Variants in NAV3 observed in about 807,000 individuals in gnomAD.
NAV3 encodes pore membrane and/or filament interacting like protein 1.
In NAV3, 87 loss-of-function variants were observed where a neutral mutation model predicts 244.7. That is an observed-to-expected ratio of 0.36 (90% CI 0.30 to 0.42). NAV3 has a LOEUF of 0.42. Among genes scored for constraint, NAV3 ranks in the 20% least tolerant of loss-of-function variants. The pLI, the probability that NAV3 is intolerant of heterozygous loss-of-function variation, is 1.00. For missense variants in NAV3, 2,663 were observed against 2,893.3 expected (o/e 0.92, Z 1.83); for synonymous variants, 1,126 against 1,042.2 (o/e 1.08, Z -1.55).
chr12:77,613,945 C>G (rs1314085492), intron 2 of NAV3, among the ~76,000 whole-genome samples: 1 of 152,042 alleles, frequency 6.6e-6, no homozygotes, highest in Non-Finnish European at 1.5e-5. Context: ...CTGGGCTTCC[C>G]CCTATAACAT....
intron 8 of NAV3, among the ~76,000 whole-genome samples, chr12:78,020,074 GGAA>G (rs1566024966): frequency 1.3e-5 from 2 of 151,988 alleles, no homozygotes; most frequent in African/African-American, 2.4e-5. Flanking sequence ...GACAAAAACT[GGAA>G]GAAGAATAGA....
At chr12:77,964,203 C>G (rs1404898996) in intron 3 of NAV3, among the ~76,000 whole-genome samples, 8 of 151,928 alleles carry the variant, frequency 5.3e-5, no homozygotes, top group African/African-American at 1.9e-4. Flanking sequence ...AAAAATTTAT[C>G]TTACAAACTT....
At chr12:78,009,673 AT>A (rs1371648227) in intron 8 of NAV3, among the ~76,000 whole-genome samples, 1 of 152,094 alleles carries the variant, frequency 6.6e-6, no homozygotes, top group Non-Finnish European at 1.5e-5. Context: ...TCATTAGCCT[AT>A]TTTGAAGATT....
chr12:78,150,442 A>G (rs1434503212), intron 22 of NAV3, among the ~76,000 whole-genome samples: 1 of 152,050 alleles, frequency 6.6e-6, no homozygotes, highest in Admixed American at 6.6e-5. Flanking sequence ...TTGAAATGTA[A>G]TGATGCTTAT....
Position 77,919,841 on chromosome 12 carries a change from C to T in NAV3, c.244-20478C>T, listed in dbSNP as rs552469410. ...TTAAAGGGACACTATTTATTTGACC[C>T]TATTGAAAATTTAATCACGCTTGGA... On this transcript the variant is annotated intron_variant, in intron 1 of 39. Transcript: ENST00000397909. Among the ~76,000 whole-genome samples, 37 of 151,986 alleles carry T rather than the reference C, an allele frequency of 2.4e-4. No homozygotes were observed. The South Asian group carries it at 2.9e-3, about 12-fold the overall frequency.
At chr12:77,829,367 C>T (rs1296209430), upstream of NAV3, among the ~76,000 whole-genome samples, 1 of 152,144 alleles carries the variant, frequency 6.6e-6, no homozygotes, top group Non-Finnish European at 1.5e-5. Flanking sequence ...ATTATTTTTG[C>T]TAGCAATATA....
intron 2 of NAV3, among the ~76,000 whole-genome samples, chr12:77,624,855 A>G (rs1327391751): frequency 6.6e-6 from 1 of 152,122 alleles, no homozygotes; most frequent in African/African-American, 2.4e-5. Context: ...CTTATTTTAG[A>G]TTGTATATTT....
intron 24 of NAV3, among the ~76,000 whole-genome samples, chr12:78,170,751 AT>A (rs1365713074): frequency 2.0e-5 from 3 of 151,740 alleles, no homozygotes; most frequent in African/African-American, 7.2e-5. Context: ...AATTGTGTTC[AT>A]TCCATTTGGA....
intron 3 of NAV3, among the ~76,000 whole-genome samples, chr12:77,953,424 C>T (rs890152068): frequency 9.2e-5 from 14 of 152,152 alleles, no homozygotes; most frequent in African/African-American, 3.1e-4. Flanking sequence ...CACACACCCA[C>T]ACATGCCTAG....
At chr12:77,840,349 G>A (rs1346619309) in intron 1 of NAV3, among the ~76,000 whole-genome samples, 4 of 152,102 alleles carry the variant, frequency 2.6e-5, no homozygotes, top group African/African-American at 9.7e-5. Flanking sequence ...AAAGTGACAT[G>A]ATTAAGTTCA....
intron 2 of NAV3, among the ~76,000 whole-genome samples, chr12:77,819,513 A>C (rs1344126746): frequency 6.9e-6 from 1 of 143,904 alleles, no homozygotes; most frequent in South Asian, 2.2e-4. Context: ...CTAGTGAATA[A>C]AGTAAAATAA....
rs377221679 is a variant in NAV3, at chr12:78,128,723, G to A, written c.4298G>A (p.Arg1433Gln). The A allele has an allele frequency of 6.6e-5, 107 of 1,613,610 alleles. No homozygotes were observed. Among genetic ancestry groups the A allele is most frequent in the Middle Eastern group, 1.6e-4 (1 of 6,078 alleles). ...TTTTGCAGATATACCCCATCATCTC[G>A]GCAGGCCAACCAAGAAGAGGGCAAA... ...KKGLRYTPSS[R>Q]QANQEEGKEW... The change falls in exon 18 of 40, where the codon CGG becomes CAG. Residue 1433 changes from arginine to glutamine, a missense_variant. Coordinates refer to ENST00000397909, the MANE Select transcript of NAV3 (RefSeq NM_001024383.2).
chr12:77,662,798 A>T (rs185958760), intron 2 of NAV3, among the ~76,000 whole-genome samples: 1 of 152,110 alleles, frequency 6.6e-6, no homozygotes, highest in Admixed American at 6.5e-5. Flanking sequence ...CAATGTGCAG[A>T]AAAAAAAGAA....
Position 78,203,521 on chromosome 12 carries a change from C to T in NAV3, c.6835-1414C>T, listed in dbSNP as rs551079076. Among the ~76,000 whole-genome samples the T allele has an allele frequency of 2.0e-5, 3 of 152,190 alleles. No individual in the cohort carries two copies. The South Asian group carries it at 6.2e-4, about 32-fold the overall frequency. Reference sequence around the variant, plus strand: ...ATGCACAGATATCAGTACCTAGACTCCCTTTTATTTTAGGTAAGTCCAACT... The same window carrying T: ...ATGCACAGATATCAGTACCTAGACTTCCTTTTATTTTAGGTAAGTCCAACT... On this transcript the variant is annotated intron_variant, in intron 38 of 39. Transcript: ENST00000397909.
At chr12:77,804,232 G>A (rs966205038) in intron 2 of NAV3, among the ~76,000 whole-genome samples, 1 of 152,126 alleles carries the variant, frequency 6.6e-6, no homozygotes, top group Non-Finnish European at 1.5e-5. Context: ...CCATGCCTAT[G>A]TTCTGAATGG....
At chr12:78,029,305 A>C (rs551818847) in intron 9 of NAV3, among the ~76,000 whole-genome samples, 3 of 152,316 alleles carry the variant, frequency 2.0e-5, no homozygotes, top group African/African-American at 7.2e-5. Context: ...AACATAGCCA[A>C]AATGGTGCTG....
In NAV3 at chr12:78,137,318, C is replaced by T; in HGVS notation, c.4583C>T (p.Pro1528Leu). 2 of 1,613,312 alleles carry T rather than the reference C, an allele frequency of 1.2e-6. No individual in the cohort carries two copies. Among genetic ancestry groups the T allele is most frequent in the Non-Finnish European group, 1.7e-6 (2 of 1,179,664 alleles). Residue 1528 changes from proline to leucine, a missense_variant, in exon 19 of 40, where the codon CCT becomes CTT. Pro to Leu is a moderately conservative substitution (Grantham distance 98, BLOSUM62 -3). Around this residue, in one of 6 missense-constraint regions of NAV3, gnomAD observed 354 missense variants for 413.0 expected, o/e 0.86. Transcript: ENST00000397909. ...CGSATSLEER[P>L]RAISHSGSFR... Reference sequence around the variant, plus strand: ...AGTGCCACTTCTCTGGAGGAAAGACCTCGTGCCATCAGTCATTCGGGCTCA... The same window carrying T: ...AGTGCCACTTCTCTGGAGGAAAGACTTCGTGCCATCAGTCATTCGGGCTCA...
chr12:78,017,967 G>A (rs1247313096), intron 8 of NAV3, among the ~76,000 whole-genome samples: 2 of 152,154 alleles, frequency 1.3e-5, no homozygotes, highest in African/African-American at 4.8e-5. Flanking sequence ...CGGATGGCTT[G>A]TAACATCAGT....
chr12:77,865,547 G>A (rs886183645), intron 1 of NAV3, among the ~76,000 whole-genome samples: 5 of 151,904 alleles, frequency 3.3e-5, no homozygotes, highest in African/African-American at 1.2e-4. Context: ...TGTGGTTACT[G>A]CTGTTTGCAG....
Sources: allele counts gnomAD v4.1 joint callset (sites outside exome capture counted in the v4.1 genomes callset), GRCh38; gene constraint gnomAD v4.1.1; regional missense constraint gnomAD v4.1.1; transcripts MANE v1.5; gene names NCBI Gene and HGNC (gene_info 2026-07-23, HGNC 2026-07-21).